RIMS1: variants seen among roughly 807,000 people sequenced by gnomAD.
RIMS1 encodes the protein regulating synaptic membrane exocytosis 1, also known as regulating synaptic membrane exocytosis protein 1.
Under a neutral mutation model 214.1 loss-of-function variants are expected in RIMS1, and 83 were observed. The observed-to-expected ratio is 0.39, with a 90% CI of 0.32 to 0.47. The LOEUF (loss-of-function observed/expected upper bound fraction) is 0.47, where lower values mean the gene tolerates loss of function less well. Among genes scored for constraint, RIMS1 ranks in the 20% least tolerant of loss-of-function variants. The pLI is 0.99. For missense variants in RIMS1, 2,050 were observed against 2,161.8 expected (o/e 0.95, Z 1.03); for synonymous variants, 793 against 786.8 (o/e 1.01, Z -0.13).
At chr6:72,008,165 T>C (rs1422577089) in intron 2 of RIMS1, among the ~76,000 whole-genome samples, 1 of 152,182 alleles carries the variant, frequency 6.6e-6, no homozygotes, top group African/African-American at 2.4e-5. Context: ...TGGGGACCAA[T>C]ATTCAACATT....
chr6:72,149,137 G>T (rs2043161910), intron 4 of RIMS1, among the ~76,000 whole-genome samples: 1 of 152,074 alleles, frequency 6.6e-6, no homozygotes, highest in Non-Finnish European at 1.5e-5. Flanking sequence ...TCCTTCAACA[G>T]GGGAAAAAAA....
chr6:72,389,644 T>C (rs2098670428), intron 29 of RIMS1, among the ~76,000 whole-genome samples: 1 of 152,164 alleles, frequency 6.6e-6, no homozygotes, highest in South Asian at 2.1e-4. Context: ...ATATAGAGCA[T>C]TTTTCATATA....
intron 4 of RIMS1, among the ~76,000 whole-genome samples, chr6:72,130,356 T>TA (rs2040249835): frequency 6.6e-6 from 1 of 152,166 alleles, no homozygotes; most frequent in East Asian, 1.9e-4. Context: ...ACCTTATTCA[T>TA]ATATTCATTT....
At chr6:72,057,135 AAACC>A (rs1265945945) in intron 2 of RIMS1, among the ~76,000 whole-genome samples, 2 of 152,192 alleles carry the variant, frequency 1.3e-5, no homozygotes, top group Non-Finnish European at 2.9e-5. Context: ...CCTATGTAAC[AAACC>A]TGCATTTGTA....
At chr6:72,196,675 T>C (rs578222262) in intron 6 of RIMS1, among the ~76,000 whole-genome samples, 3 of 148,454 alleles carry the variant, frequency 2.0e-5, no homozygotes, top group East Asian at 4.1e-4. Flanking sequence ...TTGTTTTTCT[T>C]ACTCCATGAG....
At chr6:72,126,370 T>C (rs2039504568) in intron 4 of RIMS1, among the ~76,000 whole-genome samples, 1 of 152,156 alleles carries the variant, frequency 6.6e-6, no homozygotes, top group Non-Finnish European at 1.5e-5. Context: ...GGCAAAAAGT[T>C]CATGACTAAG....
At chr6:72,127,024 A>C (rs561215662) in intron 4 of RIMS1, among the ~76,000 whole-genome samples, 53 of 152,348 alleles carry the variant, frequency 3.5e-4, no homozygotes, top group African/African-American at 9.6e-4. Flanking sequence ...TTGAGAATGA[A>C]GATCCAAAGT....
At chr6:72,214,246 G>A (rs2154014209) in intron 6 of RIMS1, among the ~76,000 whole-genome samples, 1 of 152,204 alleles carries the variant, frequency 6.6e-6, no homozygotes, top group African/African-American at 2.4e-5. Context: ...TTATTAAATT[G>A]CATTTCTAAC....
chr6:71,926,409 C>T (rs546080968), intron 1 of RIMS1, among the ~76,000 whole-genome samples: 1 of 152,230 alleles, frequency 6.6e-6, no homozygotes, highest in African/African-American at 2.4e-5. Flanking sequence ...AAAAGTCTTC[C>T]ATCTCAGGTC....
intron 4 of RIMS1, among the ~76,000 whole-genome samples, chr6:72,127,008 A>C (rs181633410): frequency 6.6e-6 from 1 of 152,330 alleles, no homozygotes; most frequent in East Asian, 1.9e-4. Context: ...TCCAGTTTGC[A>C]TAATTTTGAG....
At chr6:72,113,478 C>G (rs756913265) in intron 4 of RIMS1, among the ~76,000 whole-genome samples, 1 of 152,038 alleles carries the variant, frequency 6.6e-6, no homozygotes, top group African/African-American at 2.4e-5. Flanking sequence ...TAAAGTTGAA[C>G]TTTTGGAAAA....
At chr6:71,890,893 T>TC (rs5877307) in intron 1 of RIMS1, among the ~76,000 whole-genome samples, 152,300 of 152,300 alleles carry the variant, frequency 1, 76,150 homozygotes, top group Non-Finnish European at 1. Context: ...TCAGAGAATT[T>TC]AGTAATATCC....
At chr6:72,319,696 A>G (rs2096039212) in intron 28 of RIMS1, among the ~76,000 whole-genome samples, 1 of 151,794 alleles carries the variant, frequency 6.6e-6, no homozygotes, top group Non-Finnish European at 1.5e-5. Context: ...TTATTCATTT[A>G]CTTATTCACC....
chr6:72,244,358 A>G (rs1286670201), intron 10 of RIMS1, among the ~76,000 whole-genome samples: 2 of 151,864 alleles, frequency 1.3e-5, no homozygotes, highest in Non-Finnish European at 3.0e-5. Flanking sequence ...TGAAGCAATT[A>G]ACATAAATAA....
intron 4 of RIMS1, among the ~76,000 whole-genome samples, chr6:72,119,137 A>G (rs891348976): frequency 6.6e-6 from 1 of 151,990 alleles, no homozygotes; most frequent in African/African-American, 2.4e-5. Flanking sequence ...CTCAGGATAC[A>G]AAATAAATGT....
chr6:71,948,014 G>A (rs556397269), intron 1 of RIMS1, among the ~76,000 whole-genome samples: 138 of 152,114 alleles, frequency 9.1e-4, no homozygotes, highest in Non-Finnish European at 1.2e-3. Context: ...AATAATTATA[G>A]GTGAATATAT....
At chr6:72,291,589 A>T (rs990613553) in intron 25 of RIMS1, among the ~76,000 whole-genome samples, 3 of 152,190 alleles carry the variant, frequency 2.0e-5, no homozygotes, top group Non-Finnish European at 4.4e-5. Context: ...TATTGTTAAG[A>T]TCCAGAGGCT....
chr6:71,895,141 G>T (rs747252117), intron 1 of RIMS1, among the ~76,000 whole-genome samples: 3 of 152,190 alleles, frequency 2.0e-5, no homozygotes, highest in Admixed American at 6.5e-5. Context: ...GGAAACTAAT[G>T]TAGTAATCTT....
chr6:72,391,479 G>A (rs2098701765), intron 30 of RIMS1, among the ~76,000 whole-genome samples: 1 of 150,696 alleles, frequency 6.6e-6, no homozygotes. Context: ...AGTAATTAAT[G>A]TGTTGTTTTG....
Sources: allele counts gnomAD v4.1 joint callset (sites outside exome capture counted in the v4.1 genomes callset), GRCh38; gene constraint gnomAD v4.1.1; transcripts MANE v1.5; gene names NCBI Gene and HGNC (gene_info 2026-07-23, HGNC 2026-07-21).